Variants in UGT2B7 observed in about 807,000 individuals in gnomAD.
UGT2B7 encodes UDP-glucuronosyltransferase 2B7.
A neutral mutation model predicts 51.9 loss-of-function variants in UGT2B7; 51 were observed. The ratio of observed to expected loss-of-function variants is 0.98; its 90% confidence interval spans 0.78 to 1.24. The LOEUF (loss-of-function observed/expected upper bound fraction) is 1.24, where lower values mean the gene tolerates loss of function less well. Among genes scored for constraint, UGT2B7 ranks in the 50% most tolerant of loss-of-function variants. The pLI is 0.00. For missense variants in UGT2B7, 727 were observed against 628.4 expected (o/e 1.16, Z -1.68); for synonymous variants, 225 against 211.6 (o/e 1.06, Z -0.55).
upstream of UGT2B7, among the ~76,000 whole-genome samples, chr4:69,092,800 A>G (rs1719112450): frequency 6.6e-6 from 1 of 152,026 alleles, no homozygotes; most frequent in African/African-American, 2.4e-5. Context: ...TAGCTATCCT[A>G]CATGCAAAAC....
chr4:69,093,800 G>A (rs1024841494), upstream of UGT2B7, among the ~76,000 whole-genome samples: 7 of 152,246 alleles, frequency 4.6e-5, no homozygotes, highest in African/African-American at 1.7e-4. Flanking sequence ...TTGATGCCAG[G>A]TTGGCAGTCA....
At chr4:69,077,245 G>T (rs1447742427) in intron 1 of UGT2B7, among the ~76,000 whole-genome samples, 1 of 151,974 alleles carries the variant, frequency 6.6e-6, no homozygotes, top group East Asian at 1.9e-4. Context: ...TTTTGCTTAG[G>T]TTTGTCTTGG....
At chr4:69,078,316 A>G (rs1046933593) in intron 1 of UGT2B7, among the ~76,000 whole-genome samples, 21 of 152,164 alleles carry the variant, frequency 1.4e-4, no homozygotes, top group African/African-American at 5.1e-4. Context: ...GCCTCATAAA[A>G]TGAGTTAGGG....
At chr4:69,051,725 G>C (rs1248345235) in intron 1 of UGT2B7, 5 of 152,300 alleles carry the variant, frequency 3.3e-5, no homozygotes, top group African/African-American at 1.2e-4. Context: ...GGTAGGACTA[G>C]TCTTTTGAAC....
upstream of UGT2B7, among the ~76,000 whole-genome samples, chr4:69,095,779 A>G (rs1403475429): frequency 6.6e-6 from 1 of 152,240 alleles, no homozygotes; most frequent in African/African-American, 2.4e-5. Flanking sequence ...AAGAATCAAC[A>G]TGTATACGCT....
At chr4:69,073,748 A>T (rs75589095) in intron 1 of UGT2B7, among the ~76,000 whole-genome samples, 1 of 642 alleles carries the variant, frequency 1.6e-3, no homozygotes, top group African/African-American at 0.062. Flanking sequence ...AGAGCTTTGG[A>T]AAAAAAACAG....
intron 1 of UGT2B7, among the ~76,000 whole-genome samples, chr4:69,055,191 T>C (rs1050332896): frequency 6.9e-6 from 1 of 143,918 alleles, no homozygotes; most frequent in Admixed American, 7.0e-5. Context: ...GTAAGCAGCA[T>C]GAGATAAGAT....
At chr4:69,112,344 A>G in intron 5 of UGT2B7, 113 bp from the exon 6 acceptor site, 1 of 1,384,942 alleles carries the variant, frequency 7.2e-7, no homozygotes, top group Non-Finnish European at 9.7e-7. Context: ...TTGAGAGAGG[A>G]GTCTTGCCGA....
rs1267136954 is a variant in UGT2B7, at chr4:69,112,804, G to C, written c.*68G>C. ...TACTTCAGTTTATTCCAGCAAGAAA[G>C]ATTGTGATGCAAGATTTCTTTCTTC... On this transcript the variant is annotated 3_prime_UTR_variant, in exon 6 of 6. Transcript: ENST00000305231. The C allele has an allele frequency of 1.4e-6, 2 of 1,402,266 alleles. No homozygotes were observed. The highest frequency in any genetic ancestry group is 1.9e-6 in the Non-Finnish European group (2 of 1,061,862). The allele number at this position is 1,402,266 out of a possible 1,614,324, so 86.9% of individuals were successfully genotyped here.
intron 2 of UGT2B7, among the ~76,000 whole-genome samples, chr4:69,090,408 A>G (rs1431530746): frequency 6.6e-6 from 1 of 152,132 alleles, no homozygotes; most frequent in Admixed American, 6.6e-5. Flanking sequence ...GACAAAAGGC[A>G]TAAAGACAAA....
rs899572997 is a variant in UGT2B7, at chr4:69,096,600, T to C, written c.80T>C (p.Leu27Pro). Reference sequence around the variant, plus strand: ...AGCTCTGGGAATTGTGGAAAGGTGCTGGTGTGGGCAGCAGAATACAGCCAT... The same window carrying C: ...AGCTCTGGGAATTGTGGAAAGGTGCCGGTGTGGGCAGCAGAATACAGCCAT... ...CFSSGNCGKV[L>P]VWAAEYSHWM... The change falls in exon 1 of 6, where the codon CTG becomes CCG. Residue 27 changes from leucine (L) to proline (P), a missense_variant. Leu to Pro is a moderately conservative substitution (Grantham distance 98). Transcript: ENST00000305231. 4 of 1,613,888 alleles carry C rather than the reference T, an allele frequency of 2.5e-6. No homozygotes were observed. Among genetic ancestry groups the C allele is most frequent in the African/African-American group, 1.3e-5 (1 of 74,920 alleles).
At chr4:69,052,717 G>A (rs758747058) in intron 1 of UGT2B7, among the ~76,000 whole-genome samples, 2 of 109,240 alleles carry the variant, frequency 1.8e-5, no homozygotes, top group Non-Finnish European at 3.7e-5. Context: ...TTGAAGAATT[G>A]TCAGTGGAAG....
At chr4:69,111,523 A>G (rs571107721) in intron 5 of UGT2B7, among the ~76,000 whole-genome samples, 7 of 152,304 alleles carry the variant, frequency 4.6e-5, no homozygotes, top group Admixed American at 3.9e-4. Context: ...AAAAGGGCTC[A>G]TGATGTTGAG....
At chr4:69,092,866 T>C (rs1719114032), upstream of UGT2B7, among the ~76,000 whole-genome samples, 2 of 151,572 alleles carry the variant, frequency 1.3e-5, no homozygotes, top group South Asian at 4.2e-4. Flanking sequence ...ATAGAAGTAA[T>C]ACATTTCTTA....
intron 1 of UGT2B7, among the ~76,000 whole-genome samples, chr4:69,080,649 A>G (rs1718815349): frequency 6.6e-6 from 1 of 152,114 alleles, no homozygotes; most frequent in African/African-American, 2.4e-5. Context: ...AGGGTTTTAA[A>G]TAGTATTCCT....
intron 1 of UGT2B7, among the ~76,000 whole-genome samples, chr4:69,060,796 C>T (rs942072810): frequency 1.3e-5 from 2 of 152,206 alleles, no homozygotes; most frequent in Admixed American, 1.3e-4. Context: ...CCAAAGGGGG[C>T]ACCATTGGTT....
intron 3 of UGT2B7, among the ~76,000 whole-genome samples, chr4:69,106,644 A>G (rs1719609457): frequency 6.6e-6 from 1 of 152,016 alleles, no homozygotes; most frequent in African/African-American, 2.4e-5. Context: ...GTTTCATGGT[A>G]TTTTTACCTC....
chr4:69,089,142 C>T (rs1318732918), intron 1 of UGT2B7, among the ~76,000 whole-genome samples: 3 of 152,072 alleles, frequency 2.0e-5, no homozygotes, highest in Non-Finnish European at 2.9e-5. Context: ...ATTTTACTGA[C>T]ATCACTCCTC....
rs1251464572 is a variant in UGT2B7 at position 69,108,126 on chromosome 4, A to G, written c.1114A>G (p.Ile372Val). The change falls in exon 5 of 6, where the codon ATA (isoleucine) becomes GTA (valine). Residue 372 changes from isoleucine (I) to valine (V), a missense_variant. Ile to Val is a conservative substitution (Grantham distance 29). Coordinates refer to ENST00000305231, the MANE Select transcript of UGT2B7 (RefSeq NM_001074.4). ...AGGTCATCCAAAGACCAGAGCTTTT[A>G]TAACTCATGGTGGAGCCAATGGCAT... The part of the protein sequence containing the change: ...LLGHPKTRAF[I>V]THGGANGIYE... 3 of 1,613,608 alleles carry G rather than the reference A, an allele frequency of 1.9e-6. No homozygotes were observed. The highest frequency in any genetic ancestry group is 2.2e-5 in the South Asian group (2 of 91,078).
Sources: allele counts gnomAD v4.1 joint callset (sites outside exome capture counted in the v4.1 genomes callset), GRCh38; gene constraint gnomAD v4.1.1; transcripts MANE v1.5; gene names NCBI Gene and HGNC (gene_info 2026-07-23, HGNC 2026-07-21).